The following DPY19L1 variants were observed in gnomAD, a reference collection of about 807,000 sequenced individuals.
DPY19L1 encodes dpy-19 like C-mannosyltransferase 1.
DPY19L1 carries 35 observed loss-of-function variants against 96.9 expected under a neutral mutation model. The ratio of observed to expected loss-of-function variants is 0.36; its 90% CI spans 0.28 to 0.48. DPY19L1 has a LOEUF of 0.48. Among genes scored for constraint, DPY19L1 ranks in the 20% least tolerant of loss-of-function variants. The probability of loss-of-function intolerance (pLI) is 0.99; values close to 1 mark genes in which losing one functional copy is unlikely to be tolerated. For synonymous variants in DPY19L1, 205 were observed against 252.6 expected, an observed-to-expected ratio of 0.81 and a Z score of 1.79; for missense variants, 521 against 777.9, an observed-to-expected ratio of 0.67 and a Z score of 3.93.
intron 21 of DPY19L1, among the ~76,000 whole-genome samples, chr7:34,935,563 T>C (rs1783851338): frequency 6.6e-6 from 1 of 152,146 alleles, no homozygotes; most frequent in Non-Finnish European, 1.5e-5. Context: ...CATTTAAACA[T>C]AGTGCTCACC....
intron 8 of DPY19L1, among the ~76,000 whole-genome samples, chr7:34,970,536 T>C (rs1054094510): frequency 1.3e-5 from 2 of 152,166 alleles, no homozygotes; most frequent in African/African-American, 2.4e-5. Context: ...TGCATACATG[T>C]ATGTGTATAC....
intron 2 of DPY19L1, 77 bp from the exon 3 acceptor site, chr7:35,018,046 A>G (rs1785902879): frequency 1.9e-6 from 2 of 1,053,236 alleles, no homozygotes; most frequent in Non-Finnish European, 2.7e-6. Flanking sequence ...TAAAAGCAAA[A>G]ATAAAAGTAT....
At chr7:35,008,173 T>C (rs1785610605) in intron 6 of DPY19L1, among the ~76,000 whole-genome samples, 1 of 152,128 alleles carries the variant, frequency 6.6e-6, no homozygotes, top group Non-Finnish European at 1.5e-5. Context: ...GCAGAACAAA[T>C]TTCTCCTGCC....
chr7:35,037,885 C>T, upstream of DPY19L1: 2 of 1,238,428 alleles, frequency 1.6e-6, no homozygotes, highest in Non-Finnish European at 1.0e-6. Context: ...CCGGAGGCGG[C>T]CGCCCTTCCA....
chr7:35,014,116 T>G (rs948728714), intron 3 of DPY19L1, among the ~76,000 whole-genome samples: 1 of 152,206 alleles, frequency 6.6e-6, no homozygotes, highest in African/African-American at 2.4e-5. Flanking sequence ...CTGCTTATTT[T>G]AATCCCCAAA....
At chr7:35,011,602 T>A (rs776602512) in intron 4 of DPY19L1, 152 bp from the exon 5 acceptor site, 2 of 756,066 alleles carry the variant, frequency 2.6e-6, no homozygotes, top group African/African-American at 3.6e-5. Context: ...AGGCTCAGAA[T>A]CTCCTAGGCA....
intron 1 of DPY19L1, among the ~76,000 whole-genome samples, chr7:35,025,760 C>G (rs1584263044): frequency 1.3e-5 from 2 of 152,306 alleles, no homozygotes; most frequent in South Asian, 4.1e-4. Context: ...ATTTTTCCAG[C>G]TAGTAGGCCT....
intron 1 of DPY19L1, among the ~76,000 whole-genome samples, chr7:35,033,342 C>T (rs1431394512): frequency 6.6e-6 from 1 of 152,066 alleles, no homozygotes; most frequent in Non-Finnish European, 1.5e-5. Context: ...TCACAATGTG[C>T]AATTATTTTC....
intron 8 of DPY19L1, among the ~76,000 whole-genome samples, chr7:34,970,717 C>T (rs574135719): frequency 2.0e-5 from 3 of 151,886 alleles, no homozygotes; most frequent in Non-Finnish European, 2.9e-5. Flanking sequence ...TAATACCAAT[C>T]TGGCAGTTGG....
chr7:35,021,676 T>C (rs1046994572), intron 1 of DPY19L1, among the ~76,000 whole-genome samples: 2 of 152,208 alleles, frequency 1.3e-5, no homozygotes, highest in Admixed American at 6.5e-5. Context: ...TGCATAAGAA[T>C]GCACACCAAG....
At chr7:34,954,609 T>C in intron 13 of DPY19L1, 89 bp downstream of exon 13, 1 of 703,570 alleles carries the variant, frequency 1.4e-6, no homozygotes. Flanking sequence ...TAGAATTTCA[T>C]TTAATAGTGA....
At chr7:35,018,082 A>T in intron 2 of DPY19L1, 113 bp from the exon 3 acceptor site, 1 of 658,342 alleles carries the variant, frequency 1.5e-6, no homozygotes, top group Non-Finnish European at 2.4e-6. Flanking sequence ...TAATTTTGTA[A>T]TAACACTCAA....
intron 7 of DPY19L1, among the ~76,000 whole-genome samples, chr7:34,983,984 C>CAAT (rs147969767): frequency 0.24 from 37,185 of 151,778 alleles, 5,072 homozygotes; most frequent in Admixed American, 0.38. Context: ...TTCAGAGGAA[C>CAAT]AATAAGAATT....
chr7:34,934,990 G>C (rs1186721), intron 21 of DPY19L1, among the ~76,000 whole-genome samples: 1 of 151,962 alleles, frequency 6.6e-6, no homozygotes, highest in Admixed American at 6.6e-5. Flanking sequence ...GAAATGTTTT[G>C]CCAGTGAGTG....
intron 8 of DPY19L1, among the ~76,000 whole-genome samples, chr7:34,971,520 G>T (rs1343969285): frequency 6.6e-6 from 1 of 152,156 alleles, no homozygotes; most frequent in African/African-American, 2.4e-5. Context: ...AACCAGGAGT[G>T]GTGAAAGCAG....
intron 1 of DPY19L1, among the ~76,000 whole-genome samples, chr7:35,023,718 C>CA (rs1354593859): frequency 6.6e-6 from 1 of 152,120 alleles, no homozygotes; most frequent in Non-Finnish European, 1.5e-5. Context: ...TCCTAATTCC[C>CA]AGCCTGAGCT....
chr7:34,969,288 T>C (rs1784676018), intron 9 of DPY19L1, 145 bp downstream of exon 9: 1 of 431,968 alleles, frequency 2.3e-6, no homozygotes, highest in Non-Finnish European at 4.1e-6. Flanking sequence ...TTCTAAAAAA[T>C]GTTTTAGAAA....
Position 34,959,922 on chromosome 7 carries a change from TATTTATA to T in DPY19L1, c.1093-1859_1093-1853del, listed in dbSNP as rs1257251848. 2.7e-3 allele frequency among the ~76,000 whole-genome samples: 158 copies of T among 58,292 alleles called. 2 individuals carry two copies. The highest frequency in any genetic ancestry group is 3.4e-3 in the Non-Finnish European group (113 of 33,066). The allele number at this position is 58,292 out of a possible 152,430, so 38.2% of individuals were successfully genotyped here. On this transcript the variant is annotated intron_variant, in intron 10 of 21. Transcript: ENST00000638088. ...AAATATATATATATATATATATATA[TATTTATA>T]TATATATATATATATATAAAAGAAC...
intron 16 of DPY19L1, among the ~76,000 whole-genome samples, chr7:34,944,365 C>CAAAAAAAAAAAAAAAA (rs60937482): frequency 4.9e-5 from 4 of 82,294 alleles, no homozygotes; most frequent in Admixed American, 1.4e-4. Flanking sequence ...GGCTCTGTCT[C>CAAAAAAAAAAAAAAAA]AAAAAAAAAA....
Sources: allele counts gnomAD v4.1 joint callset (sites outside exome capture counted in the v4.1 genomes callset), GRCh38; gene constraint gnomAD v4.1.1; transcripts MANE v1.5; gene names NCBI Gene and HGNC (gene_info 2026-07-23, HGNC 2026-07-21).